EYA1: variants seen among roughly 807,000 people sequenced by gnomAD.
The protein encoded by EYA1 is protein phosphatase EYA1.
Under a neutral mutation model 82.0 loss-of-function variants are expected in EYA1, and 16 were observed. That is an observed-to-expected ratio of 0.20 (90% CI 0.13 to 0.30). The LOEUF is 0.30. Ranked by LOEUF, EYA1 falls within the 10% of genes least tolerant of loss-of-function variation. EYA1 has a pLI of 1.00. For synonymous variants in EYA1, 261 were observed against 264.4 expected (o/e 0.99, Z 0.12); for missense variants, 633 against 730.7 (o/e 0.87, Z 1.54).
chr8:71,331,710 T>C (rs1477864705), intron 4 of EYA1, among the ~76,000 whole-genome samples: 1 of 152,154 alleles, frequency 6.6e-6, no homozygotes, highest in African/African-American at 2.4e-5. Context: ...CTTTTTCTCT[T>C]AATATAGTTA....
intron 2 of EYA1, among the ~76,000 whole-genome samples, chr8:71,399,990 G>A (rs1356204156): frequency 6.6e-6 from 1 of 152,036 alleles, no homozygotes; most frequent in Non-Finnish European, 1.5e-5. Context: ...TCAGAAATAA[G>A]ACTGCACATC....
intron 2 of EYA1, among the ~76,000 whole-genome samples, chr8:71,492,315 T>C (rs902828501): frequency 6.6e-6 from 1 of 152,128 alleles, no homozygotes; most frequent in African/African-American, 2.4e-5. Context: ...TTGAAAACTA[T>C]CTTAACAGAT....
intron 2 of EYA1, among the ~76,000 whole-genome samples, chr8:71,428,626 A>G (rs1046694672): frequency 6.6e-6 from 1 of 152,210 alleles, no homozygotes; most frequent in Admixed American, 6.5e-5. Flanking sequence ...CTGTCTAGTT[A>G]CCTCAATCTG....
chr8:71,381,825 A>C (rs1828720679), intron 2 of EYA1, among the ~76,000 whole-genome samples: 1 of 152,234 alleles, frequency 6.6e-6, no homozygotes, highest in South Asian at 2.1e-4. Context: ...TGGTGTGCAG[A>C]CACCCTTCAG....
chr8:71,307,180 C>T (rs1820820587), intron 7 of EYA1, among the ~76,000 whole-genome samples: 1 of 152,090 alleles, frequency 6.6e-6, no homozygotes, highest in South Asian at 2.1e-4. Context: ...GAAGGTCTCT[C>T]AACTTTTTCC....
At chr8:71,397,032 C>T (rs1216899351) in intron 2 of EYA1, among the ~76,000 whole-genome samples, 4 of 152,314 alleles carry the variant, frequency 2.6e-5, no homozygotes, top group South Asian at 2.1e-4. Context: ...GATCCCTTTA[C>T]CATTAAACAA....
chr8:71,423,623 A>C (rs1831262388), intron 2 of EYA1, among the ~76,000 whole-genome samples: 1 of 152,228 alleles, frequency 6.6e-6, no homozygotes, highest in Non-Finnish European at 1.5e-5. Context: ...TTAGTCATCC[A>C]CGACCGATAA....
At chr8:71,433,346 C>T (rs1002436972) in intron 2 of EYA1, among the ~76,000 whole-genome samples, 7 of 152,020 alleles carry the variant, frequency 4.6e-5, no homozygotes, top group South Asian at 4.1e-4. Context: ...TTTCAGTATC[C>T]GGAATTTACT....
chr8:71,275,919 A>G (rs1455596212), intron 9 of EYA1, among the ~76,000 whole-genome samples: 1 of 152,150 alleles, frequency 6.6e-6, no homozygotes, highest in African/African-American at 2.4e-5. Flanking sequence ...CCAATTCAGA[A>G]TATCTTGACT....
intron 2 of EYA1, among the ~76,000 whole-genome samples, chr8:71,446,367 G>A (rs936929125): frequency 1.3e-5 from 2 of 152,098 alleles, no homozygotes; most frequent in East Asian, 1.9e-4. Flanking sequence ...GCCTTCACAC[G>A]CTCACTATCT....
chr8:71,412,983 G>A (rs140491964), intron 2 of EYA1, among the ~76,000 whole-genome samples: 2 of 152,196 alleles, frequency 1.3e-5, no homozygotes, highest in Admixed American at 6.5e-5. Context: ...GAGTGGGTAA[G>A]AGGTACTTGT....
At chr8:71,431,051 A>G (rs1586703247) in intron 2 of EYA1, among the ~76,000 whole-genome samples, 1 of 152,308 alleles carries the variant, frequency 6.6e-6, no homozygotes, top group East Asian at 1.9e-4. Context: ...TTTGACGGCT[A>G]TAGATGTCCT....
chr8:71,401,822 T>G (rs1829974294), intron 2 of EYA1, among the ~76,000 whole-genome samples: 1 of 152,214 alleles, frequency 6.6e-6, no homozygotes, highest in East Asian at 1.9e-4. Flanking sequence ...ACTTTCTGAA[T>G]CATTTTTACT....
At chr8:71,488,017 A>T (rs1810699116) in intron 2 of EYA1, among the ~76,000 whole-genome samples, 1 of 152,210 alleles carries the variant, frequency 6.6e-6, no homozygotes, top group Admixed American at 6.5e-5. Flanking sequence ...TAGCAATTTT[A>T]TTCACAACAA....
At chr8:71,375,839 G>A (rs948233947) in intron 2 of EYA1, among the ~76,000 whole-genome samples, 1 of 152,080 alleles carries the variant, frequency 6.6e-6, no homozygotes, top group African/African-American at 2.4e-5. Flanking sequence ...ATCTTGGCCA[G>A]GCTGGTCTCG....
chr8:71,412,789 G>A (rs1031698812), intron 2 of EYA1, among the ~76,000 whole-genome samples: 1 of 152,150 alleles, frequency 6.6e-6, no homozygotes, highest in Admixed American at 6.5e-5. Flanking sequence ...GCATCTTTTC[G>A]AGTCATCATC....
intron 9 of EYA1, among the ~76,000 whole-genome samples, chr8:71,288,956 G>A (rs1256997425): frequency 6.6e-6 from 1 of 152,198 alleles, no homozygotes; most frequent in African/African-American, 2.4e-5. Flanking sequence ...GAAGGTGATG[G>A]TATTGGATTC....
intron 12 of EYA1, 55 bp from the exon 13 acceptor site, chr8:71,217,078 TG>T: frequency 7.3e-7 from 1 of 1,370,922 alleles, no homozygotes; most frequent in Non-Finnish European, 1.0e-6. Context: ...CTAATTTTTT[TG>T]TTTTGTTTTG....
intron 2 of EYA1, among the ~76,000 whole-genome samples, chr8:71,438,751 A>G (rs1806185906): frequency 6.6e-6 from 1 of 152,204 alleles, no homozygotes; most frequent in Non-Finnish European, 1.5e-5. Context: ...TGAGACAGGC[A>G]ATGCCACAGT....
Sources: allele counts gnomAD v4.1 joint callset (sites outside exome capture counted in the v4.1 genomes callset), GRCh38; gene constraint gnomAD v4.1.1; transcripts MANE v1.5; gene names NCBI Gene and HGNC (gene_info 2026-07-23, HGNC 2026-07-21).